RALYL: variants seen among roughly 807,000 people sequenced by gnomAD.
RALYL encodes RALY RNA binding protein like.
A neutral mutation model predicts 35.1 loss-of-function variants in RALYL; 29 were observed. That is an observed-to-expected ratio of 0.83 (90% CI 0.61 to 1.13). The LOEUF is 1.13. Among genes scored for constraint, RALYL ranks in the 50% most tolerant of loss-of-function variants. The probability of loss-of-function intolerance (pLI) is 0.00; values close to 1 mark genes in which losing one functional copy is unlikely to be tolerated. For synonymous variants in RALYL, 120 were observed against 127.6 expected (o/e 0.94, Z 0.40); for missense variants, 359 against 360.4 (o/e 1.00, Z 0.03).
intron 2 of RALYL, among the ~76,000 whole-genome samples, chr8:84,692,419 G>A (rs534259122): frequency 6.6e-6 from 1 of 151,862 alleles, no homozygotes; most frequent in East Asian, 1.9e-4. Context: ...AATTTTAAAG[G>A]GGTATCACTT....
At position 84,621,768 on chromosome 8, in the gene RALYL, T is replaced by C. The variant is rs919790441; in HGVS notation, c.256+92191T>C. 2.6e-5 allele frequency among the ~76,000 whole-genome samples: 4 copies of C among 152,320 alleles called. No individual in the cohort carries two copies. In the South Asian group the frequency reaches 8.3e-4, roughly 32 times the overall value. On this transcript the variant is annotated intron_variant, in intron 2 of 8. Coordinates refer to ENST00000521268, the MANE Select transcript of RALYL (RefSeq NM_173848.7). Reference sequence around the variant, plus strand: ...TTGTAGGATTTAAAGAGAGAATAGATTGTAAGAGATGAGTTCTAAATTCAG... The same window carrying C: ...TTGTAGGATTTAAAGAGAGAATAGACTGTAAGAGATGAGTTCTAAATTCAG...
At chr8:84,831,342 A>G (rs2134392523) in intron 4 of RALYL, among the ~76,000 whole-genome samples, 1 of 152,220 alleles carries the variant, frequency 6.6e-6, no homozygotes, top group East Asian at 1.9e-4. Context: ...TTTTTGTGGG[A>G]AAGGATTGTA....
At chr8:84,589,862 T>C (rs1372585143) in intron 2 of RALYL, among the ~76,000 whole-genome samples, 2 of 152,230 alleles carry the variant, frequency 1.3e-5, no homozygotes, top group East Asian at 3.8e-4. Flanking sequence ...AATATTTCTA[T>C]ATCATGTAGC....
At chr8:84,572,699 AGAATACGT>A (rs1808307932) in intron 2 of RALYL, among the ~76,000 whole-genome samples, 2 of 151,854 alleles carry the variant, frequency 1.3e-5, no homozygotes, top group South Asian at 4.1e-4. Context: ...GATGCACGTT[AGAATACGT>A]GAAAGAGCAA....
chr8:84,774,068 A>C (rs931551306), intron 2 of RALYL, among the ~76,000 whole-genome samples: 1 of 152,076 alleles, frequency 6.6e-6, no homozygotes, highest in African/African-American at 2.4e-5. Context: ...AAATTTTAAA[A>C]ATTAGCCAGG....
intron 1 of RALYL, among the ~76,000 whole-genome samples, chr8:84,319,033 T>C (rs1396805226): frequency 6.6e-6 from 1 of 152,148 alleles, no homozygotes; most frequent in African/African-American, 2.4e-5. Flanking sequence ...TTTAACATAC[T>C]TTTTTCATTG....
chr8:84,355,870 A>G (rs1272059288), intron 1 of RALYL, among the ~76,000 whole-genome samples: 1 of 150,244 alleles, frequency 6.7e-6, no homozygotes, highest in Non-Finnish European at 1.5e-5. Flanking sequence ...GGTATGAAAT[A>G]TAGAATGATA....
intron 7 of RALYL, among the ~76,000 whole-genome samples, chr8:84,880,922 C>G (rs1176628628): frequency 6.6e-6 from 1 of 151,914 alleles, no homozygotes; most frequent in Non-Finnish European, 1.5e-5. Flanking sequence ...CCTAGTTTAA[C>G]TTACTAGCTG....
chr8:84,798,592 T>G (rs1272071032), intron 3 of RALYL, among the ~76,000 whole-genome samples: 1 of 152,218 alleles, frequency 6.6e-6, no homozygotes, highest in African/African-American at 2.4e-5. Flanking sequence ...ACCTGTACAC[T>G]TAAGCCCTTT....
chr8:84,895,453 T>C (rs902064561), intron 8 of RALYL, among the ~76,000 whole-genome samples: 1 of 152,074 alleles, frequency 6.6e-6, no homozygotes, highest in Non-Finnish European at 1.5e-5. Context: ...CTTTGCCAAG[T>C]CTTTCCGTTT....
intron 2 of RALYL, among the ~76,000 whole-genome samples, chr8:84,647,842 G>A (rs1827826770): frequency 6.6e-6 from 1 of 152,102 alleles, no homozygotes; most frequent in African/African-American, 2.4e-5. Context: ...AGCTATGAAA[G>A]AGCTTACTGA....
chr8:84,856,965 T>C (rs2134956723), intron 5 of RALYL, among the ~76,000 whole-genome samples: 1 of 142,770 alleles, frequency 7.0e-6, no homozygotes, highest in South Asian at 2.3e-4. Flanking sequence ...GAAGCGGAGC[T>C]TGCAGTGAGC....
chr8:84,599,026 G>A (rs1191957833), intron 2 of RALYL, among the ~76,000 whole-genome samples: 1 of 152,086 alleles, frequency 6.6e-6, no homozygotes, highest in African/African-American at 2.4e-5. Flanking sequence ...GATGATTAGT[G>A]ATGCGGAACA....
chr8:84,579,889 T>C (rs1418120240), intron 2 of RALYL, among the ~76,000 whole-genome samples: 1 of 152,194 alleles, frequency 6.6e-6, no homozygotes, highest in East Asian at 1.9e-4. Context: ...CATTTAACTT[T>C]TCTTAGGAAC....
At chr8:84,837,567 G>A (rs954531067) in intron 4 of RALYL, among the ~76,000 whole-genome samples, 5 of 152,108 alleles carry the variant, frequency 3.3e-5, no homozygotes, top group African/African-American at 1.2e-4. Flanking sequence ...TACGTATATT[G>A]TAAAACCCAA....
intron 1 of RALYL, among the ~76,000 whole-genome samples, chr8:84,481,680 T>G (rs1438640616): frequency 6.6e-6 from 1 of 152,136 alleles, no homozygotes; most frequent in Non-Finnish European, 1.5e-5. Context: ...CATTGATAAA[T>G]ACTACAGGCA....
chr8:84,256,862 G>A (rs544132022), intron 1 of RALYL, among the ~76,000 whole-genome samples: 15 of 152,020 alleles, frequency 9.9e-5, no homozygotes, highest in East Asian at 5.8e-4. Context: ...GAATTGAATC[G>A]GGCTTCTGTC....
chr8:84,398,995 A>T (rs539742362), intron 1 of RALYL, among the ~76,000 whole-genome samples: 3 of 148,254 alleles, frequency 2.0e-5, no homozygotes, highest in Admixed American at 6.7e-5. Context: ...AAAAAAAAGA[A>T]CTATGCAAAG....
chr8:84,824,067 C>T (rs533125814), intron 4 of RALYL, among the ~76,000 whole-genome samples: 1 of 152,198 alleles, frequency 6.6e-6, no homozygotes, highest in African/African-American at 2.4e-5. Flanking sequence ...AATAAACTAT[C>T]TCTCTTCACA....
Sources: gnomAD v4.1 joint callset for allele counts (sites outside exome capture counted in the v4.1 genomes callset) on GRCh38, gnomAD v4.1.1 for gene constraint, MANE v1.5 for transcripts, NCBI Gene and HGNC (gene_info 2026-07-23, HGNC 2026-07-21) for gene names.